ACKR3: variants seen among roughly 807,000 people sequenced by gnomAD.
ACKR3 encodes the protein C-X-C chemokine receptor type 7.
A neutral mutation model predicts 22.4 loss-of-function variants in ACKR3; 6 were observed. The observed-to-expected ratio is 0.27, with a 90% CI of 0.15 to 0.53. ACKR3 has a LOEUF of 0.53. Ranked by LOEUF, ACKR3 falls within the 20% of genes least tolerant of loss-of-function variation. The pLI is 0.96. For missense variants in ACKR3, 396 were observed against 475.2 expected (o/e 0.83, Z 1.55); for synonymous variants, 209 against 205.2 (o/e 1.02, Z -0.16).
At chr2:236,557,254 G>T in the ACKR3 span, among the ~76,000 whole-genome samples, 2 of 126,458 alleles carry the variant, frequency 1.6e-5, no homozygotes, top group African/African-American at 6.6e-5. Flanking sequence ...TCATGTGAAC[G>T]TATGTGTGTG....
At chr2:236,573,266 C>G (rs917843739) in intron 1 of ACKR3, among the ~76,000 whole-genome samples, 1 of 152,228 alleles carries the variant, frequency 6.6e-6, no homozygotes, top group Admixed American at 6.5e-5. Context: ...TTCTCCTGAT[C>G]TAACTTGCAG....
At chr2:236,571,333 T>C (rs1428004807) in intron 1 of ACKR3, among the ~76,000 whole-genome samples, 3 of 151,630 alleles carry the variant, frequency 2.0e-5, no homozygotes, top group Admixed American at 6.6e-5. Flanking sequence ...CTCCAGGAGA[T>C]TGGGGGGAGG....
the ACKR3 span, among the ~76,000 whole-genome samples, chr2:236,550,693 G>T: frequency 6.6e-6 from 1 of 152,174 alleles, no homozygotes; most frequent in African/African-American, 2.4e-5. This position sits in a 1 kb window ranked among gnomAD's most constrained non-coding sequence, Gnocchi z 4.6. Context: ...ACCTCTCGGA[G>T]CCTCAGCCCC....
chr2:236,549,955 T>A, the ACKR3 span, among the ~76,000 whole-genome samples: 1 of 152,156 alleles, frequency 6.6e-6, no homozygotes, highest in Non-Finnish European at 1.5e-5. The surrounding 1 kb of genome is among the most constrained non-coding windows in gnomAD (Gnocchi z 5.3). Context: ...AGCTGTCTGG[T>A]GTTTCTGACA....
chr2:236,580,125 T>C (rs1020007050), intron 1 of ACKR3, among the ~76,000 whole-genome samples: 1 of 152,216 alleles, frequency 6.6e-6, no homozygotes, highest in East Asian at 1.9e-4. Context: ...GCCCCTGTAC[T>C]GTGTTGATTT....
chr2:236,555,513 T>C, the ACKR3 span, among the ~76,000 whole-genome samples: 1 of 152,138 alleles, frequency 6.6e-6, no homozygotes, highest in Non-Finnish European at 1.5e-5. Context: ...GAAAGAGAAG[T>C]CTATTTTCAT....
the ACKR3 span, among the ~76,000 whole-genome samples, chr2:236,541,416 C>T: frequency 1.3e-5 from 2 of 152,282 alleles, no homozygotes; most frequent in South Asian, 4.1e-4. Flanking sequence ...TTCCCCTGTC[C>T]AAGAACTGGG....
chr2:236,538,276 G>A, the ACKR3 span, among the ~76,000 whole-genome samples: 5 of 152,206 alleles, frequency 3.3e-5, no homozygotes, highest in African/African-American at 9.6e-5. Flanking sequence ...AGGAGCTTTA[G>A]ATGTCTCCTG....
the ACKR3 span, among the ~76,000 whole-genome samples, chr2:236,546,733 G>A: frequency 2.0e-5 from 3 of 152,332 alleles, no homozygotes; most frequent in South Asian, 2.1e-4. The surrounding 1 kb of genome is among the most constrained non-coding windows in gnomAD (Gnocchi z 4.9). Context: ...GGGGAGCCTC[G>A]TTCAGGGGAC....
the ACKR3 span, among the ~76,000 whole-genome samples, chr2:236,543,717 T>G: frequency 1.4e-4 from 21 of 151,960 alleles, no homozygotes; most frequent in Non-Finnish European, 1.8e-4. Flanking sequence ...TTTGAACTAC[T>G]ACCTTGGATG....
At chr2:236,556,332 G>A in the ACKR3 span, among the ~76,000 whole-genome samples, 1 of 152,118 alleles carries the variant, frequency 6.6e-6, no homozygotes, top group Admixed American at 6.5e-5. Context: ...CCCCCAGAGA[G>A]GTCCACATCT....
the ACKR3 span, among the ~76,000 whole-genome samples, chr2:236,551,797 G>T: frequency 6.6e-6 from 1 of 152,160 alleles, no homozygotes; most frequent in South Asian, 2.1e-4. Flanking sequence ...GATGGGCTTG[G>T]CTCCCTTTGC....
intron 1 of ACKR3, among the ~76,000 whole-genome samples, chr2:236,576,980 C>G (rs1235263418): frequency 6.6e-6 from 1 of 152,226 alleles, no homozygotes; most frequent in African/African-American, 2.4e-5. Flanking sequence ...TCCTTCCTAT[C>G]TGACCCCTGG....
chr2:236,564,314 G>A (rs180676664), upstream of ACKR3, among the ~76,000 whole-genome samples: 530 of 152,350 alleles, frequency 3.5e-3, 1 homozygote, highest in Non-Finnish European at 5.8e-3. Context: ...TGGGGCTCTT[G>A]AGCCACCTGA....
rs1345683384 is a variant in ACKR3 at position 236,577,459 on chromosome 2, C to G, written c.-26-2981C>G. 6.6e-6 allele frequency among the ~76,000 whole-genome samples: 1 copy of G among 152,170 alleles called. No individual in the cohort carries two copies. The highest frequency in any genetic ancestry group is 2.4e-5 in the African/African-American group (1 of 41,442). Reference sequence around the variant, plus strand: ...TTCCACCTCTCAGTCCCACTCTGGGCTCTGAGAATACTGAAGGCTGCTGGT... The same window carrying G: ...TTCCACCTCTCAGTCCCACTCTGGGGTCTGAGAATACTGAAGGCTGCTGGT... On this transcript the variant is annotated intron_variant, in intron 1 of 1. Coordinates refer to ENST00000272928, the MANE Select transcript of ACKR3 (RefSeq NM_020311.3). This position sits in a 1 kb window ranked among gnomAD's most constrained non-coding sequence, Gnocchi z 5.6.
At chr2:236,538,537 C>G in the ACKR3 span, among the ~76,000 whole-genome samples, 3 of 151,950 alleles carry the variant, frequency 2.0e-5, no homozygotes, top group African/African-American at 7.3e-5. Context: ...CAAAACTGGC[C>G]CCAAGCATGG....
At chr2:236,538,811 T>C in the ACKR3 span, among the ~76,000 whole-genome samples, 1 of 152,244 alleles carries the variant, frequency 6.6e-6, no homozygotes, top group Non-Finnish European at 1.5e-5. Flanking sequence ...ATATTTCTGA[T>C]ATTGCTTGGG....
At position 236,575,549 on chromosome 2, in the gene ACKR3, C is replaced by CTGTG. The variant is rs1334885134; in HGVS notation, c.-26-4877_-26-4874dup. 4.2e-5 allele frequency among the ~76,000 whole-genome samples: 3 copies of CTGTG among 71,272 alleles called. No individual in the cohort carries two copies. The Admixed American group carries it at 4.7e-4, about 11-fold the overall frequency. The allele number at this position is 71,272 out of a possible 152,430, so 46.8% of individuals were successfully genotyped here. A position where few individuals can be genotyped will look rare whatever the true frequency, so the allele number is the denominator to read the frequency against. ...GTGTGTGCGTGTGTCTGGGGTTGTG[C>CTGTG]TGTGTGTGTGTGTGTGTCTGGGGTT... is the stretch of plus-strand genomic sequence containing the variant. On this transcript the variant is annotated intron_variant, in intron 1 of 1. Coordinates refer to ENST00000272928, the MANE Select transcript of ACKR3 (RefSeq NM_020311.3).
At chr2:236,567,617 G>A (rs897654735), upstream of ACKR3, among the ~76,000 whole-genome samples, 1 of 152,174 alleles carries the variant, frequency 6.6e-6, no homozygotes, top group Admixed American at 6.5e-5. Flanking sequence ...GCCAAGTTCA[G>A]GCCCCAAGCA....
Sources: gnomAD v4.1 joint callset for allele counts (sites outside exome capture counted in the v4.1 genomes callset) on GRCh38, gnomAD v4.1.1 for gene constraint, Gnocchi (gnomAD v3.1) non-coding constraint, MANE v1.5 for transcripts, NCBI Gene and HGNC (gene_info 2026-07-23, HGNC 2026-07-21) for gene names.